The following SYNPO2 variants were observed in gnomAD, a reference collection of about 807,000 sequenced individuals.
The protein encoded by SYNPO2 is synaptopodin 2, also known as synaptopodin-2.
In SYNPO2, 56 loss-of-function variants were observed where a neutral mutation model predicts 85.0. The observed-to-expected ratio is 0.66, with a 90% CI of 0.53 to 0.82. SYNPO2 has a LOEUF of 0.82. Ranked by LOEUF, SYNPO2 falls within the 40% of genes least tolerant of loss-of-function variation. SYNPO2 has a pLI of 0.00. For synonymous variants in SYNPO2, 602 were observed against 591.1 expected (o/e 1.02, Z -0.27); for missense variants, 1,575 against 1,534.2 (o/e 1.03, Z -0.44).
chr4:118,950,499 G>A (rs1201353766), intron 1 of SYNPO2, among the ~76,000 whole-genome samples: 1 of 152,204 alleles, frequency 6.6e-6, no homozygotes, highest in Admixed American at 6.6e-5. Context: ...AGCTGAATAG[G>A]CTTAGGATTT....
At chr4:119,035,349 G>A in intron 4 of SYNPO2, 1 of 985,356 alleles carries the variant, frequency 1.0e-6, no homozygotes, top group Non-Finnish European at 1.2e-6. Flanking sequence ...CTTCTAGGAG[G>A]GCAGAGTGAA....
chr4:118,912,422 C>T (rs1012391614), intron 1 of SYNPO2, among the ~76,000 whole-genome samples: 1 of 152,192 alleles, frequency 6.6e-6, no homozygotes, highest in Non-Finnish European at 1.5e-5. Flanking sequence ...CTCAAGTAAT[C>T]CACCTGTTTC....
intron 1 of SYNPO2, among the ~76,000 whole-genome samples, chr4:118,874,563 C>T (rs1731867057): frequency 1.3e-5 from 2 of 152,182 alleles, no homozygotes. Flanking sequence ...TGAACCATGG[C>T]TCTTTTTATA....
chr4:118,930,629 C>T (rs1221487992), intron 1 of SYNPO2, among the ~76,000 whole-genome samples: 1 of 151,418 alleles, frequency 6.6e-6, no homozygotes, highest in Non-Finnish European at 1.5e-5. Context: ...TTACAAATAG[C>T]ATATGCTGGG....
intron 1 of SYNPO2, among the ~76,000 whole-genome samples, chr4:118,997,259 TAAAAG>T (rs942651372): frequency 1.5e-5 from 2 of 133,378 alleles, no homozygotes; most frequent in African/African-American, 5.7e-5. Context: ...AAAAAAAAAT[TAAAAG>T]AAAATGTAAT....
At chr4:118,904,375 G>A (rs1018413015) in intron 1 of SYNPO2, among the ~76,000 whole-genome samples, 2 of 152,150 alleles carry the variant, frequency 1.3e-5, no homozygotes, top group East Asian at 1.9e-4. Flanking sequence ...TGTAGTCCTT[G>A]GAGTCCCACC....
chr4:118,917,017 GAGC>G (rs1453480971), intron 1 of SYNPO2, among the ~76,000 whole-genome samples: 1 of 151,988 alleles, frequency 6.6e-6, no homozygotes, highest in Non-Finnish European at 1.5e-5. Flanking sequence ...TTACAGGCCT[GAGC>G]CACCGTGCCC....
chr4:118,964,428 T>A (rs1343440507), intron 1 of SYNPO2, among the ~76,000 whole-genome samples: 1 of 151,706 alleles, frequency 6.6e-6, no homozygotes. Flanking sequence ...AGGTAGAGGC[T>A]GCAGTGAGCT....
rs1739394257 is a variant in SYNPO2 at position 119,060,949 on chromosome 4, T to C, written c.*3015T>C. ...TTATACACATTGGAAAGGGCCAACC[T>C]ATTAGGGCTCAAGTATGTATATGCA... On this transcript the variant is annotated 3_prime_UTR_variant, in exon 5 of 5. Transcript: ENST00000307142. The C allele has an allele frequency of 6.6e-6, 1 of 151,516 alleles. No individual in the cohort carries two copies. Among genetic ancestry groups the C allele is most frequent in the Non-Finnish European group, 1.5e-5 (1 of 67,956 alleles). 9.4% of individuals were successfully genotyped at this position (151,516 alleles called of 1,614,324 possible).
intron 1 of SYNPO2, among the ~76,000 whole-genome samples, chr4:118,882,301 T>TA (rs141802279): frequency 0.025 from 3,840 of 152,282 alleles, 68 homozygotes; most frequent in African/African-American, 0.04. Flanking sequence ...TTTGATTCCT[T>TA]AAAAAATATA....
rs771131778 is a variant in SYNPO2 at position 119,031,272 on chromosome 4, G to T, written c.2497G>T (p.Ala833Ser). 6.2e-7 allele frequency: 1 copy of T among 1,614,170 alleles called. No homozygotes were observed. Among genetic ancestry groups the T allele is most frequent in the Non-Finnish European group, 8.5e-7 (1 of 1,180,042 alleles). ...NVAGPFKGPQ[A>S]AVASQNYTPK... ...GGCTGGTCCCTTCAAAGGACCACAA[G>T]CAGCAGTAGCCAGTCAGAATTACAC... Residue 833 changes from alanine to serine, a missense_variant, in exon 4 of 5, where the codon GCA becomes TCA. Physicochemically the swap from Ala to Ser is moderately conservative, Grantham distance 99. Transcript: ENST00000307142.
At chr4:119,035,679 AGTTCTTTAAAATAAGCCCAG>A in intron 4 of SYNPO2, 1 of 985,434 alleles carries the variant, frequency 1.0e-6, no homozygotes, top group Non-Finnish European at 1.2e-6. Flanking sequence ...AGCTACAAAT[AGTTCTTTAAAATAAGCCCAG>A]GTTATTTAGC....
intron 1 of SYNPO2, among the ~76,000 whole-genome samples, chr4:118,851,796 T>A (rs1314719319): frequency 6.6e-6 from 1 of 152,210 alleles, no homozygotes; most frequent in Non-Finnish European, 1.5e-5. Context: ...CACCTCTATA[T>A]TCAATCTATT....
chr4:118,955,840 G>T (rs1205029199), intron 1 of SYNPO2, among the ~76,000 whole-genome samples: 1 of 152,056 alleles, frequency 6.6e-6, no homozygotes, highest in Non-Finnish European at 1.5e-5. Flanking sequence ...ATGTTTGAGG[G>T]AATATTAGTC....
intron 1 of SYNPO2, among the ~76,000 whole-genome samples, chr4:119,009,234 G>T (rs986535180): frequency 6.6e-6 from 1 of 152,102 alleles, no homozygotes; most frequent in Admixed American, 6.6e-5. Flanking sequence ...GATAAAATTG[G>T]GCTATAGTTT....
At chr4:118,875,992 C>T (rs950948195) in intron 1 of SYNPO2, among the ~76,000 whole-genome samples, 7 of 152,192 alleles carry the variant, frequency 4.6e-5, no homozygotes, top group Non-Finnish European at 7.4e-5. Flanking sequence ...AAATTGCTCA[C>T]GGCTACTCCA....
chr4:118,981,112 AT>A (rs965095033), intron 1 of SYNPO2, among the ~76,000 whole-genome samples: 1 of 152,220 alleles, frequency 6.6e-6, no homozygotes, highest in African/African-American at 2.4e-5. Context: ...AAGAACTAGC[AT>A]TTTCCATGCA....
intron 1 of SYNPO2, among the ~76,000 whole-genome samples, chr4:118,919,082 G>T (rs777629144): frequency 6.6e-6 from 1 of 152,058 alleles, no homozygotes; most frequent in Non-Finnish European, 1.5e-5. Flanking sequence ...TATATGCTTT[G>T]AATACAGACA....
At chr4:118,963,795 C>T (rs1316929641) in intron 1 of SYNPO2, among the ~76,000 whole-genome samples, 3 of 152,244 alleles carry the variant, frequency 2.0e-5, no homozygotes, top group Non-Finnish European at 2.9e-5. Context: ...CTCAGATCCT[C>T]TGACCAAACA....
Sources: allele counts gnomAD v4.1 joint callset (sites outside exome capture counted in the v4.1 genomes callset), GRCh38; gene constraint gnomAD v4.1.1; transcripts MANE v1.5; gene names NCBI Gene and HGNC (gene_info 2026-07-23, HGNC 2026-07-21).